DPYD: variants seen among roughly 807,000 people sequenced by gnomAD.
DPYD encodes the protein dihydropyrimidine dehydrogenase, also known as dihydropyrimidine dehydrogenase [NADP(+)].
In DPYD, 109 loss-of-function variants were observed where a neutral mutation model predicts 116.2. The ratio of observed to expected loss-of-function variants is 0.94; its 90% CI spans 0.80 to 1.10. DPYD has a LOEUF of 1.10. Ranked by LOEUF, DPYD falls within the 50% of genes least tolerant of loss-of-function variation. DPYD has a pLI of 0.00. For synonymous variants in DPYD, 440 were observed against 432.0 expected (o/e 1.02, Z -0.23); for missense variants, 1,302 against 1,254.5 (o/e 1.04, Z -0.57).
intron 10 of DPYD, among the ~76,000 whole-genome samples, chr1:97,587,663 T>G (rs1443371064): frequency 6.6e-6 from 1 of 151,236 alleles, no homozygotes; most frequent in Non-Finnish European, 1.5e-5. Flanking sequence ...GTTTCGAACT[T>G]AAAAATACAA....
chr1:97,225,839 T>C (rs986726623), intron 19 of DPYD, among the ~76,000 whole-genome samples: 1 of 152,100 alleles, frequency 6.6e-6, no homozygotes, highest in Non-Finnish European at 1.5e-5. Flanking sequence ...AGGAGTTTTA[T>C]GATTTCAGGT....
intron 5 of DPYD, among the ~76,000 whole-genome samples, chr1:97,712,464 T>C (rs1173518804): frequency 6.6e-6 from 1 of 152,094 alleles, no homozygotes; most frequent in African/African-American, 2.4e-5. Context: ...TTTATACATA[T>C]TAATTTTAAA....
At chr1:97,376,645 T>A (rs1671632616) in intron 15 of DPYD, among the ~76,000 whole-genome samples, 1 of 152,162 alleles carries the variant, frequency 6.6e-6, no homozygotes, top group African/African-American at 2.4e-5. Context: ...AATTGCTGAA[T>A]TAGCATGAAA....
At chr1:97,305,424 G>A (rs750686320) in intron 17 of DPYD, 46 bp from the exon 18 acceptor site, 4 of 1,610,392 alleles carry the variant, frequency 2.5e-6, no homozygotes, top group Admixed American at 1.7e-5. Context: ...TATAAGACAC[G>A]ATAGTTAAAA....
rs1654691842 is a variant in DPYD, at chr1:97,593,802, T to C, written c.959-415A>G. On this transcript the variant is annotated intron_variant, in intron 9 of 22. Coordinates refer to ENST00000370192, the MANE Select transcript of DPYD (RefSeq NM_000110.4). ...GCAATATTTCATTATAATACTTTTT[T>C]ATGTATTACCTTATATAATTTCTAA... Among the ~76,000 whole-genome samples, 3 of 152,246 alleles carry C rather than the reference T, an allele frequency of 2.0e-5. No homozygotes were observed. The South Asian group carries it at 6.2e-4, about 31-fold the overall frequency.
intron 14 of DPYD, among the ~76,000 whole-genome samples, chr1:97,399,515 T>C (rs941180951): frequency 5.9e-5 from 9 of 152,188 alleles, no homozygotes; most frequent in African/African-American, 1.7e-4. Context: ...GGGGATGGCA[T>C]TGAATCTATA....
At position 97,713,001 on chromosome 1, in the gene DPYD, T is replaced by A. The variant is rs142167050; in HGVS notation, c.483+8509A>T. Among the ~76,000 whole-genome samples the A allele has an allele frequency of 4.0e-3, 602 of 152,232 alleles. 2 individuals carry two copies. The highest frequency in any genetic ancestry group is 0.014 in the African/African-American group (577 of 41,550). ...GAGAATAACCTAGTCCCCATGTTTT[T>A]ATACCATTTCTGGCCCAAAAGGTAT... is the stretch of plus-strand genomic sequence containing the variant. On this transcript the variant is annotated intron_variant, in intron 5 of 22. Coordinates refer to ENST00000370192, the MANE Select transcript of DPYD (RefSeq NM_000110.4).
intron 18 of DPYD, among the ~76,000 whole-genome samples, chr1:97,259,460 G>A (rs541403243): frequency 5.5e-4 from 83 of 151,994 alleles, no homozygotes; most frequent in African/African-American, 1.8e-3. Flanking sequence ...TTGCAGACTC[G>A]AACCCCTCCT....
chr1:97,791,364 CT>C (rs895192464), intron 3 of DPYD, among the ~76,000 whole-genome samples: 4 of 152,134 alleles, frequency 2.6e-5, no homozygotes, highest in African/African-American at 9.7e-5. Flanking sequence ...AGGAAAACAT[CT>C]TCACAAAATT....
intron 16 of DPYD, among the ~76,000 whole-genome samples, chr1:97,326,368 C>A (rs1458862997): frequency 2.6e-5 from 4 of 151,832 alleles, no homozygotes; most frequent in Non-Finnish European, 5.9e-5. Context: ...TAATAGAAAT[C>A]TGGATCTCAG....
intron 11 of DPYD, among the ~76,000 whole-genome samples, chr1:97,570,293 A>G (rs956073903): frequency 6.6e-6 from 1 of 152,000 alleles, no homozygotes; most frequent in Non-Finnish European, 1.5e-5. Flanking sequence ...TATTATTGCA[A>G]CCAGAGACTT....
chr1:97,866,935 AG>A (rs1240185957), intron 2 of DPYD, among the ~76,000 whole-genome samples: 1 of 151,876 alleles, frequency 6.6e-6, no homozygotes, highest in Non-Finnish European at 1.5e-5. Flanking sequence ...AAGCAGCAGG[AG>A]ATGAGGATAG....
intron 13 of DPYD, among the ~76,000 whole-genome samples, chr1:97,464,113 C>T (rs191829259): frequency 1.8e-4 from 28 of 152,012 alleles, no homozygotes; most frequent in Non-Finnish European, 2.9e-4. Flanking sequence ...GTGGTAGGTG[C>T]CTGTAATCAC....
At chr1:97,673,997 G>A (rs150748165) in intron 8 of DPYD, among the ~76,000 whole-genome samples, 104 of 152,178 alleles carry the variant, frequency 6.8e-4, no homozygotes, top group African/African-American at 2.4e-3. Context: ...AAATCAAGAA[G>A]AGCCTTGAAA....
At chr1:97,869,113 C>G (rs1445385550) in intron 2 of DPYD, among the ~76,000 whole-genome samples, 1 of 151,742 alleles carries the variant, frequency 6.6e-6, no homozygotes, top group African/African-American at 2.4e-5. Context: ...TCATTTTATT[C>G]CTGCTCAAAC....
At chr1:97,692,131 T>A (rs577707316) in intron 6 of DPYD, among the ~76,000 whole-genome samples, 3 of 152,192 alleles carry the variant, frequency 2.0e-5, no homozygotes, top group Non-Finnish European at 4.4e-5. Flanking sequence ...ATTCTATAAA[T>A]TCCTAAGATA....
chr1:97,900,783 C>G (rs1449421026), intron 1 of DPYD, among the ~76,000 whole-genome samples: 1 of 151,732 alleles, frequency 6.6e-6, no homozygotes, highest in Non-Finnish European at 1.5e-5. Flanking sequence ...ACACAACTCC[C>G]TCCCCAAAAT....
chr1:97,755,460 A>G lies in DPYD; in HGVS notation c.234-14981T>C, dbSNP rs577504670. On this transcript the variant is annotated intron_variant, in intron 3 of 22. Coordinates refer to ENST00000370192, the MANE Select transcript of DPYD (RefSeq NM_000110.4). ...TATCTGTAAGTAATAAACCTGCTTC[A>G]TGCAACTTGTTGCATGTAAGCATGT... Among the ~76,000 whole-genome samples the G allele has an allele frequency of 3.9e-5, 6 of 152,264 alleles. No homozygotes were observed. In the East Asian group the frequency reaches 1.2e-3, roughly 29 times the overall value.
chr1:97,573,932 T>C lies in DPYD; in HGVS notation c.1167A>G (p.Pro389=), dbSNP rs753482702. ...LAKEEKCEFL[P]FLSPRKVIVK... The stretch of plus-strand genomic sequence containing the variant: ...CTATAACCTTCCGTGGGGACAGGAA[T>C]GGCAGAAATTCACACTTTTCTTCCT... The change falls in exon 11 of 23, where the codon CCA becomes CCG. Residue 389 remains proline, a synonymous_variant. Transcript: ENST00000370192. 25 of 1,613,676 alleles carry C rather than the reference T, an allele frequency of 1.5e-5. No homozygotes were observed. The highest frequency in any genetic ancestry group is 2.0e-5 in the Non-Finnish European group (24 of 1,179,660).
Sources: allele counts gnomAD v4.1 joint callset (sites outside exome capture counted in the v4.1 genomes callset), GRCh38; gene constraint gnomAD v4.1.1; transcripts MANE v1.5; gene names NCBI Gene and HGNC (gene_info 2026-07-23, HGNC 2026-07-21).